HSD17B4: variants seen among roughly 807,000 people sequenced by gnomAD.
HSD17B4 encodes peroxisomal multifunctional enzyme type 2.
Under a neutral mutation model 101.0 loss-of-function variants are expected in HSD17B4, and 70 were observed. That is an observed-to-expected ratio of 0.69 (90% CI 0.57 to 0.85). The LOEUF is 0.85. HSD17B4 is among the 40% of genes least tolerant of loss of function. The pLI, the probability that HSD17B4 is intolerant of heterozygous loss-of-function variation, is 0.00. For synonymous variants in HSD17B4, 347 were observed against 297.1 expected, an observed-to-expected ratio of 1.17 and a Z score of -1.73; for missense variants, 984 against 892.4, an observed-to-expected ratio of 1.10 and a Z score of -1.31.
intron 6 of HSD17B4, chr5:119,476,819 ATTC>A (rs1160282331): frequency 1.4e-5 from 6 of 431,752 alleles, no homozygotes; most frequent in Non-Finnish European, 1.8e-5. Flanking sequence ...TCACTCTTAC[ATTC>A]TTCTTCTAAT....
chr5:119,471,726 C>T lies in HSD17B4; in HGVS notation c.113-2182C>T, dbSNP rs556999254. On this transcript the variant is annotated intron_variant, in intron 2 of 23. Coordinates refer to ENST00000510025, the MANE Select transcript of HSD17B4 (RefSeq NM_000414.4). The stretch of plus-strand genomic sequence containing the variant: ...GTAATTCTCTTAAGTTCTGTTTTTC[C>T]AAGTTATTTGGCATTTATCTATGTA... 32 of 1,249,284 alleles carry T rather than the reference C, an allele frequency of 2.6e-5. 1 individual carries two copies. In the South Asian group the frequency reaches 4.1e-4, roughly 16 times the overall value. The allele number at this position is 1,249,284 out of a possible 1,614,324, so 77.4% of individuals were successfully genotyped here. A position where few individuals can be genotyped will look rare whatever the true frequency, so the allele number is the denominator to read the frequency against.
chr5:119,517,770 G>C (rs60497431), intron 17 of HSD17B4, among the ~76,000 whole-genome samples: 15,752 of 151,518 alleles, frequency 0.1, 1,046 homozygotes, highest in African/African-American at 0.19. Flanking sequence ...CTCAGGGATT[G>C]TAAATGCACC....
chr5:119,499,480 T>A lies in HSD17B4; in HGVS notation c.1136T>A (p.Val379Asp), dbSNP rs1750957000. ...SDFSCLPTFG[V>D]IIGQKSMMGG... ...TTCTCCTGTTTGCCCACCTTCGGAG[T>A]TATCATAGGTCAGAAATCTATGATG... Residue 379 changes from valine (V) to aspartate (D), a missense_variant, in exon 13 of 24, where the codon GTT becomes GAT. Transcript: ENST00000510025. The A allele has an allele frequency of 5.0e-6, 8 of 1,613,864 alleles. No homozygotes were observed. The highest frequency in any genetic ancestry group is 5.9e-6 in the Non-Finnish European group (7 of 1,179,826).
At chr5:119,522,173 A>T (rs1753177277) in intron 17 of HSD17B4, among the ~76,000 whole-genome samples, 1 of 151,730 alleles carries the variant, frequency 6.6e-6, no homozygotes, top group Non-Finnish European at 1.5e-5. Context: ...CGTATGAGTG[A>T]GAACATGTGG....
At position 119,452,549 on chromosome 5, in the gene HSD17B4, G is replaced by T. The variant is rs34604765; in HGVS notation, c.-27G>T. The T allele has an allele frequency of 6.2e-7, 1 of 1,613,730 alleles. No homozygotes were observed. The highest frequency in any genetic ancestry group is 8.5e-7 in the Non-Finnish European group (1 of 1,179,924). On this transcript the variant is annotated 5_prime_UTR_variant, in exon 1 of 24. Coordinates refer to ENST00000510025, the MANE Select transcript of HSD17B4 (RefSeq NM_000414.4). Reference sequence around the variant, plus strand: ...CGGCGTCCAGCGGCTCTGCTTGTTCGTGTGTGTGTCGTTGCAGGCCTTATT... The same window carrying T: ...CGGCGTCCAGCGGCTCTGCTTGTTCTTGTGTGTGTCGTTGCAGGCCTTATT...
chr5:119,495,728 T>C, intron 11 of HSD17B4: 1 of 187,390 alleles, frequency 5.3e-6, no homozygotes, highest in Non-Finnish European at 1.2e-5. Context: ...TGGAGTATGG[T>C]GGCATGATCT....
chr5:119,461,452 G>C (rs1320251849), intron 2 of HSD17B4, among the ~76,000 whole-genome samples: 1 of 152,192 alleles, frequency 6.6e-6, no homozygotes, highest in African/African-American at 2.4e-5. Flanking sequence ...GTGAGAATGT[G>C]GGGTAACAGG....
chr5:119,476,664 A>G, intron 6 of HSD17B4: 1 of 985,588 alleles, frequency 1.0e-6, no homozygotes. Context: ...TGAGAAAGAT[A>G]GGATTTGCTG....
At chr5:119,475,261 A>G (rs1748471799) in intron 4 of HSD17B4, among the ~76,000 whole-genome samples, 1 of 152,134 alleles carries the variant, frequency 6.6e-6, no homozygotes, top group Admixed American at 6.5e-5. Flanking sequence ...ATAATTATGT[A>G]TCAAGATAAG....
At chr5:119,460,929 T>G (rs1220905472) in intron 2 of HSD17B4, among the ~76,000 whole-genome samples, 3 of 152,164 alleles carry the variant, frequency 2.0e-5, no homozygotes, top group African/African-American at 7.2e-5. Context: ...GAAGCCAGGT[T>G]ACTGAGGCTG....
At chr5:119,492,944 G>A (rs1429139349) in intron 10 of HSD17B4, 1 of 152,102 alleles carries the variant, frequency 6.6e-6, no homozygotes, top group Non-Finnish European at 1.5e-5. Flanking sequence ...GGAGGGCATT[G>A]CTGTAGTAGT....
intron 1 of HSD17B4, 79 bp from the exon 2 acceptor site, chr5:119,456,236 A>C (rs1754634764): frequency 1.2e-6 from 1 of 864,852 alleles, no homozygotes; most frequent in East Asian, 2.4e-5. Context: ...CAATTTCTTT[A>C]AATGGGGATT....
At chr5:119,511,029 G>A (rs1231096141) in intron 16 of HSD17B4, among the ~76,000 whole-genome samples, 7 of 152,130 alleles carry the variant, frequency 4.6e-5, no homozygotes, top group East Asian at 1.9e-4. Context: ...TAGCTTTCCC[G>A]TAGCGTGGAG....
Position 119,538,560 on chromosome 5 carries a change from G to A in HSD17B4, c.2121+2010G>A, listed in dbSNP as rs140243121. Among the ~76,000 whole-genome samples, 58 of 152,206 alleles carry A rather than the reference G, an allele frequency of 3.8e-4. 1 individual carries two copies. The highest frequency in any genetic ancestry group is 1.2e-3 in the African/African-American group (50 of 41,540). ...AAATCTCCAGCATTTCCTTTTGCAC[G>A]TGTATAAAATCCAAGTTAGCTGTTA... On this transcript the variant is annotated intron_variant, in intron 23 of 23. Coordinates refer to ENST00000510025, the MANE Select transcript of HSD17B4 (RefSeq NM_000414.4).
At chr5:119,489,155 A>G (rs1210097898) in intron 8 of HSD17B4, 37 bp from the exon 9 acceptor site, 1 of 1,343,114 alleles carries the variant, frequency 7.4e-7, no homozygotes, top group South Asian at 1.2e-5. Flanking sequence ...TAGAAAGTAA[A>G]ATGATTGATA....
At chr5:119,471,558 T>C in intron 2 of HSD17B4, 1 of 554,092 alleles carries the variant, frequency 1.8e-6, no homozygotes, top group Non-Finnish European at 2.8e-6. Flanking sequence ...TTAAAAAAAA[T>C]TGTGTTAATC....
chr5:119,526,047 T>C lies in HSD17B4; in HGVS notation c.1680+24T>C, dbSNP rs753094957. On this transcript the variant is annotated intron_variant, in intron 19 of 23. Transcript: ENST00000510025. ...AGGTAAATGTGTATTACTACGTAAT[T>C]TGAATATTACTTCCTTTTTCTATCT... 2.9e-5 allele frequency: 35 copies of C among 1,224,304 alleles called. No homozygotes were observed. In the Admixed American group the frequency reaches 5.6e-4, roughly 19 times the overall value. The allele number at this position is 1,224,304 out of a possible 1,614,324, so 75.8% of individuals were successfully genotyped here. A position where few individuals can be genotyped will look rare whatever the true frequency, so the allele number is the denominator to read the frequency against.
chr5:119,481,698 A>G (rs1749150414), intron 8 of HSD17B4, among the ~76,000 whole-genome samples: 1 of 152,190 alleles, frequency 6.6e-6, no homozygotes. Flanking sequence ...GAGTGAGCAC[A>G]TGCTGTTGGA....
At chr5:119,488,605 A>G (rs1323473283) in intron 8 of HSD17B4, among the ~76,000 whole-genome samples, 1 of 152,142 alleles carries the variant, frequency 6.6e-6, no homozygotes, top group Non-Finnish European at 1.5e-5. Flanking sequence ...CCTTCAAAAT[A>G]TGTACAACTA....
Sources: allele counts gnomAD v4.1 joint callset (sites outside exome capture counted in the v4.1 genomes callset), GRCh38; gene constraint gnomAD v4.1.1; transcripts MANE v1.5; gene names NCBI Gene and HGNC (gene_info 2026-07-23, HGNC 2026-07-21).